The following AP1AR variants were observed in gnomAD, a reference collection of about 807,000 sequenced individuals.
AP1AR encodes the protein AP-1 complex-associated regulatory protein.
AP1AR carries 29 observed loss-of-function variants against 46.3 expected under a neutral mutation model. The ratio of observed to expected loss-of-function variants is 0.63; its 90% CI spans 0.47 to 0.85. The LOEUF (loss-of-function observed/expected upper bound fraction) is 0.85, where lower values mean the gene tolerates loss of function less well. AP1AR is among the 40% of genes least tolerant of loss of function. AP1AR has a pLI of 0.00. For missense variants in AP1AR, 357 were observed against 356.3 expected (o/e 1.00, Z -0.02); for synonymous variants, 122 against 122.9 (o/e 0.99, Z 0.05).
rs543638226 is a variant in AP1AR at position 112,272,574 on chromosome 4, G to GA, written c.*4172dup. Reference sequence around the variant, plus strand: ...CACATACAGGGAGGGAAGAGATGGGGAAAAAAATAGGAAATAATAAATCTC... The same window carrying GA: ...CACATACAGGGAGGGAAGAGATGGGGAAAAAAAATAGGAAATAATAAATCTC... On this transcript the variant is annotated 3_prime_UTR_variant, in exon 10 of 10. Coordinates refer to ENST00000274000, the MANE Select transcript of AP1AR (RefSeq NM_018569.6). Among the ~76,000 whole-genome samples, 2 of 152,098 alleles carry GA rather than the reference G, an allele frequency of 1.3e-5. No individual in the cohort carries two copies. The highest frequency in any genetic ancestry group is 2.1e-4 in the South Asian group (1 of 4,818).
Position 112,234,776 on chromosome 4 carries a change from A to G in AP1AR, c.83+2602A>G, listed in dbSNP as rs181769257. On this transcript the variant is annotated intron_variant, in intron 1 of 9. Coordinates refer to ENST00000274000, the MANE Select transcript of AP1AR (RefSeq NM_018569.6). Reference sequence around the variant, plus strand: ...AATCACAAAAACTTGATTTGATCCTATATGTCTTTGTAGTGACCACAAAAG... The same window carrying G: ...AATCACAAAAACTTGATTTGATCCTGTATGTCTTTGTAGTGACCACAAAAG... 2.2e-3 allele frequency among the ~76,000 whole-genome samples: 340 copies of G among 151,880 alleles called. 2 individuals are homozygous for G. The highest frequency in any genetic ancestry group is 4.3e-3 in the Admixed American group (66 of 15,246).
intron 7 of AP1AR, among the ~76,000 whole-genome samples, chr4:112,265,528 C>G (rs575427250): frequency 2.0e-5 from 3 of 151,928 alleles, no homozygotes; most frequent in Non-Finnish European, 2.9e-5. Context: ...GATTGGACTT[C>G]AGGATTAATG....
chr4:112,246,304 G>T (rs183973286), intron 1 of AP1AR, among the ~76,000 whole-genome samples: 5 of 152,210 alleles, frequency 3.3e-5, no homozygotes, highest in Non-Finnish European at 5.9e-5. Flanking sequence ...CCAGGAGTTC[G>T]AGACCAGCCT....
At chr4:112,232,225 C>G (rs753706012) in intron 1 of AP1AR, 51 bp downstream of exon 1, 1 of 1,252,920 alleles carries the variant, frequency 8.0e-7, no homozygotes, top group African/African-American at 1.6e-5. Flanking sequence ...CCTCTTCGGC[C>G]CCCGGCGGGG....
chr4:112,253,884 A>C (rs1199900285), intron 2 of AP1AR, among the ~76,000 whole-genome samples: 1 of 152,196 alleles, frequency 6.6e-6, no homozygotes, highest in African/African-American at 2.4e-5. Context: ...AAGCTGGAAC[A>C]CTGTACTTTA....
rs78459886 is a variant in AP1AR at position 112,251,420 on chromosome 4, A to C, written c.84-1788A>C. On this transcript the variant is annotated intron_variant, in intron 1 of 9. Transcript: ENST00000274000. ...GTGTTCTGCCATCTAATACAAATGT[A>C]GTGTAACAGTTACCTTGGTTTCGAC... 3.9e-5 allele frequency among the ~76,000 whole-genome samples: 6 copies of C among 152,370 alleles called. No homozygotes were observed. The East Asian group carries it at 1.2e-3, about 29-fold the overall frequency.
At chr4:112,258,226 A>G (rs138840455) in intron 4 of AP1AR, among the ~76,000 whole-genome samples, 2 of 152,304 alleles carry the variant, frequency 1.3e-5, no homozygotes, top group Non-Finnish European at 2.9e-5. Flanking sequence ...TTAAAATTGC[A>G]TGTGTTACTT....
At chr4:112,236,760 T>C (rs1022729031) in intron 1 of AP1AR, among the ~76,000 whole-genome samples, 1 of 152,178 alleles carries the variant, frequency 6.6e-6, no homozygotes, top group African/African-American at 2.4e-5. Flanking sequence ...GGCATTCAAA[T>C]GTATGGCATA....
chr4:112,232,072 C>A lies in AP1AR; in HGVS notation c.-20C>A. ...TGAGCGGGAGGAGGAGGAGGAGCGGCGGCGCCTGGGCGGCATGCGATGGGG... is the reference window on the plus strand; with the variant it reads ...TGAGCGGGAGGAGGAGGAGGAGCGGAGGCGCCTGGGCGGCATGCGATGGGG... On this transcript the variant is annotated 5_prime_UTR_variant, in exon 1 of 10. Coordinates refer to ENST00000274000, the MANE Select transcript of AP1AR (RefSeq NM_018569.6). The A allele has an allele frequency of 7.4e-7, 1 of 1,349,480 alleles. No individual in the cohort carries two copies. Among genetic ancestry groups the A allele is most frequent in the Non-Finnish European group, 9.6e-7 (1 of 1,042,462 alleles). 83.6% of individuals were successfully genotyped at this position (1,349,480 alleles called of 1,614,324 possible). A position where few individuals can be genotyped will look rare whatever the true frequency, so the allele number is the denominator to read the frequency against.
chr4:112,272,455 G>A lies in AP1AR; in HGVS notation c.*4046G>A, dbSNP rs1400361042. Among the ~76,000 whole-genome samples the A allele has an allele frequency of 6.6e-6, 1 of 152,144 alleles. No individual in the cohort carries two copies. The highest frequency in any genetic ancestry group is 6.5e-5 in the Admixed American group (1 of 15,268). The stretch of plus-strand genomic sequence containing the variant: ...TATGACCTTCCCATGGGGCTTGGCC[G>A]GGAGTGCTAGCCCAGTAAGGGAAAA... On this transcript the variant is annotated 3_prime_UTR_variant, in exon 10 of 10. Coordinates refer to ENST00000274000, the MANE Select transcript of AP1AR (RefSeq NM_018569.6).
intron 1 of AP1AR, among the ~76,000 whole-genome samples, chr4:112,246,581 T>C (rs1725735824): frequency 6.6e-6 from 1 of 152,222 alleles, no homozygotes; most frequent in Non-Finnish European, 1.5e-5. Flanking sequence ...GCTCTCACCT[T>C]CAACCTCTTG....
At chr4:112,263,112 A>G in intron 6 of AP1AR, 26 bp downstream of exon 6, 1 of 1,566,568 alleles carries the variant, frequency 6.4e-7, no homozygotes, top group Middle Eastern at 1.7e-4. Flanking sequence ...CCCAGCATAT[A>G]TTAGGGTTGC....
chr4:112,258,188 ATTAT>A (rs1027691345), intron 4 of AP1AR, among the ~76,000 whole-genome samples: 4 of 152,172 alleles, frequency 2.6e-5, no homozygotes, highest in African/African-American at 9.7e-5. Flanking sequence ...TTATGCTATA[ATTAT>A]TTAAGCAGCT....
chr4:112,263,137 T>C, intron 6 of AP1AR, 51 bp downstream of exon 6: 1 of 1,424,316 alleles, frequency 7.0e-7, no homozygotes, highest in Non-Finnish European at 9.7e-7. Flanking sequence ...CTCCTTATTT[T>C]CTCTGACAAA....
chr4:112,271,073 A>G lies in AP1AR; in HGVS notation c.*2664A>G, dbSNP rs545211469. On this transcript the variant is annotated 3_prime_UTR_variant, in exon 10 of 10. Transcript: ENST00000274000. The stretch of plus-strand genomic sequence containing the variant: ...GATATAAGACTAAAGGAAGGGGTAG[A>G]ATCAGATACTACTGTAGGGGTAACA... 7.2e-5 allele frequency among the ~76,000 whole-genome samples: 11 copies of G among 152,314 alleles called. No homozygotes were observed. The highest frequency in any genetic ancestry group is 2.6e-4 in the African/African-American group (11 of 41,580).
intron 3 of AP1AR, among the ~76,000 whole-genome samples, chr4:112,256,672 C>T (rs1238247556): frequency 2.6e-5 from 4 of 152,128 alleles, no homozygotes; most frequent in Non-Finnish European, 5.9e-5. Flanking sequence ...TATATTTTAA[C>T]TTTCAGTTAT....
chr4:112,236,723 C>T (rs1725257797), intron 1 of AP1AR, among the ~76,000 whole-genome samples: 1 of 151,842 alleles, frequency 6.6e-6, no homozygotes, highest in South Asian at 2.1e-4. Context: ...GTCTTTTTTC[C>T]TTCTGTGACA....
chr4:112,249,123 T>G (rs944215055), intron 1 of AP1AR, among the ~76,000 whole-genome samples: 5 of 151,090 alleles, frequency 3.3e-5, no homozygotes, highest in South Asian at 4.2e-4. Context: ...AGAAACCCTG[T>G]CTCTACTAAA....
At chr4:112,262,934 G>A (rs1055457242) in intron 5 of AP1AR, 54 bp from the exon 6 acceptor site, 29 of 1,143,584 alleles carry the variant, frequency 2.5e-5, no homozygotes, top group Non-Finnish European at 3.4e-5. Flanking sequence ...TATTTTTAGA[G>A]CAGTTAGACA....
Sources: gnomAD v4.1 joint callset for allele counts (sites outside exome capture counted in the v4.1 genomes callset) on GRCh38, gnomAD v4.1.1 for gene constraint, MANE v1.5 for transcripts, NCBI Gene and HGNC (gene_info 2026-07-23, HGNC 2026-07-21) for gene names.